DTWD2: variants seen among roughly 807,000 people sequenced by gnomAD.
DTWD2 encodes DTW motif tRNA-uridine aminocarboxypropyltransferase 2.
DTWD2 carries 39 observed loss-of-function variants against 31.8 expected under a neutral mutation model. The observed-to-expected ratio is 1.22, with a 90% CI of 0.95 to 1.60. The LOEUF (loss-of-function observed/expected upper bound fraction) is 1.60, where lower values mean the gene tolerates loss of function less well. Ranked by LOEUF, DTWD2 falls within the 40% of genes most tolerant of loss-of-function variation. DTWD2 has a pLI of 0.00. For synonymous variants in DTWD2, 180 were observed against 142.8 expected, an observed-to-expected ratio of 1.26 and a Z score of -1.86; for missense variants, 515 against 381.5, an observed-to-expected ratio of 1.35 and a Z score of -2.92.
chr5:118,985,525 C>CACACAG (rs1274432120), intron 1 of DTWD2, among the ~76,000 whole-genome samples: 1 of 61,832 alleles, frequency 1.6e-5, no homozygotes, highest in African/African-American at 3.5e-5. Context: ...TATACACACA[C>CACACAG]ATATATACAT....
At chr5:118,928,877 A>T in intron 3 of DTWD2, 148 bp from the exon 4 acceptor site, 1 of 662,364 alleles carries the variant, frequency 1.5e-6, no homozygotes, top group Non-Finnish European at 2.3e-6. Context: ...TATGAATTAA[A>T]AAGACTCAAA....
chr5:118,980,749 T>C (rs1268183951), intron 1 of DTWD2, among the ~76,000 whole-genome samples: 1 of 152,178 alleles, frequency 6.6e-6, no homozygotes, highest in Non-Finnish European at 1.5e-5. Context: ...AGCTTGACAA[T>C]TCCTCAAAAA....
At chr5:118,944,959 G>C (rs945892933) in intron 1 of DTWD2, among the ~76,000 whole-genome samples, 1 of 152,118 alleles carries the variant, frequency 6.6e-6, no homozygotes, top group Non-Finnish European at 1.5e-5. Context: ...TGACACTTCT[G>C]ATTTGCATTC....
chr5:118,900,767 C>T (rs915780625), intron 4 of DTWD2, among the ~76,000 whole-genome samples: 3 of 151,648 alleles, frequency 2.0e-5, no homozygotes, highest in South Asian at 4.2e-4. Flanking sequence ...CTACTAAAAA[C>T]ACAAAAAATT....
At chr5:118,961,681 T>G (rs1754709680) in intron 1 of DTWD2, among the ~76,000 whole-genome samples, 1 of 152,216 alleles carries the variant, frequency 6.6e-6, no homozygotes, top group South Asian at 2.1e-4. Flanking sequence ...ATATTCTGCA[T>G]AGAATATTTT....
intron 1 of DTWD2, chr5:118,974,057 C>T (rs1167379054): frequency 1.2e-5 from 19 of 1,605,562 alleles, no homozygotes; most frequent in South Asian, 7.7e-5. Context: ...TACGGGCAAG[C>T]GGGCAGCTGA....
chr5:118,977,902 G>A (rs1755202675), intron 1 of DTWD2, among the ~76,000 whole-genome samples: 2 of 152,048 alleles, frequency 1.3e-5, no homozygotes, highest in Non-Finnish European at 2.9e-5. Context: ...GAGGAAAACT[G>A]GAGAGGCATT....
chr5:118,913,372 C>T (rs546948742), intron 4 of DTWD2, among the ~76,000 whole-genome samples: 1 of 147,882 alleles, frequency 6.8e-6, no homozygotes, highest in Admixed American at 6.8e-5. Flanking sequence ...GATCAAGCTT[C>T]CATAATCACA....
At chr5:118,882,812 C>A (rs114263137) in intron 4 of DTWD2, among the ~76,000 whole-genome samples, 1 of 152,202 alleles carries the variant, frequency 6.6e-6, no homozygotes, top group Non-Finnish European at 1.5e-5. Context: ...TGGGGCCAGC[C>A]CACAAAACCA....
At chr5:118,875,057 C>T (rs1050943741) in intron 4 of DTWD2, among the ~76,000 whole-genome samples, 5 of 152,134 alleles carry the variant, frequency 3.3e-5, no homozygotes, top group African/African-American at 1.2e-4. Flanking sequence ...GGCCAATATT[C>T]AATATTTCTT....
intron 1 of DTWD2, among the ~76,000 whole-genome samples, chr5:118,945,438 A>T (rs1754310042): frequency 1.3e-5 from 2 of 152,158 alleles, no homozygotes; most frequent in South Asian, 2.1e-4. Flanking sequence ...GTATTTTACC[A>T]TTAAATACTA....
intron 4 of DTWD2, among the ~76,000 whole-genome samples, chr5:118,862,100 T>C (rs984854450): frequency 2.0e-5 from 3 of 152,220 alleles, no homozygotes; most frequent in Non-Finnish European, 2.9e-5. Flanking sequence ...TAGATTCTCG[T>C]AGAAGCGCCA....
chr5:118,873,393 C>T (rs184693315), intron 4 of DTWD2, among the ~76,000 whole-genome samples: 14 of 152,318 alleles, frequency 9.2e-5, no homozygotes, highest in Middle Eastern at 3.4e-3. Flanking sequence ...TAAAGAGCAG[C>T]CTCCAGTGCC....
chr5:118,874,074 A>T (rs1752568633), intron 4 of DTWD2, among the ~76,000 whole-genome samples: 1 of 152,230 alleles, frequency 6.6e-6, no homozygotes, highest in African/African-American at 2.4e-5. Flanking sequence ...ACTCAGTCTA[A>T]GAGGTGGGAG....
intron 1 of DTWD2, among the ~76,000 whole-genome samples, chr5:118,960,477 TG>T (rs1191096605): frequency 1.3e-5 from 2 of 152,228 alleles, no homozygotes; most frequent in African/African-American, 4.8e-5. Context: ...ATACTGCTGG[TG>T]GGAATGTAAA....
chr5:118,910,272 T>TA (rs1432649096), intron 4 of DTWD2, among the ~76,000 whole-genome samples: 6 of 152,218 alleles, frequency 3.9e-5, no homozygotes, highest in African/African-American at 1.4e-4. Flanking sequence ...ACACTTCGCT[T>TA]AGAGATTTCT....
chr5:118,873,453 T>C (rs1752552305), intron 4 of DTWD2, among the ~76,000 whole-genome samples: 1 of 152,158 alleles, frequency 6.6e-6, no homozygotes, highest in Non-Finnish European at 1.5e-5. Flanking sequence ...GCCTGTCTGG[T>C]AGAGAGCTTC....
rs1473895789 is a variant in DTWD2 at position 118,891,099 on chromosome 5, A to AT, written c.597+37437dup. ...GTAATTTCCAGATGCAATGGAAGAGATTTTTTACTATAACTTCTTTCCTCT... is the reference window on the plus strand; with the variant it reads ...GTAATTTCCAGATGCAATGGAAGAGATTTTTTTACTATAACTTCTTTCCTCT... On this transcript the variant is annotated intron_variant, in intron 4 of 5. Transcript: ENST00000510708. 3.3e-5 allele frequency among the ~76,000 whole-genome samples: 5 copies of AT among 152,190 alleles called. No homozygotes were observed. The South Asian group carries it at 8.3e-4, about 25-fold the overall frequency.
intron 1 of DTWD2, 46 bp downstream of exon 1, chr5:118,988,248 G>A (rs976953592): frequency 1.2e-5 from 18 of 1,531,192 alleles, no homozygotes; most frequent in Middle Eastern, 2.1e-4. Flanking sequence ...ACCCTCCTCC[G>A]AAGGCCGCTG....
Sources: gnomAD v4.1 joint callset for allele counts (sites outside exome capture counted in the v4.1 genomes callset) on GRCh38, gnomAD v4.1.1 for gene constraint, MANE v1.5 for transcripts, NCBI Gene and HGNC (gene_info 2026-07-23, HGNC 2026-07-21) for gene names.